PRKX: variants seen among roughly 807,000 people sequenced by gnomAD.
PRKX encodes the protein cAMP-dependent protein kinase catalytic subunit PRKX.
In PRKX, 12 loss-of-function variants were observed where a neutral mutation model predicts 22.0. The observed-to-expected ratio is 0.54, with a 90% CI of 0.35 to 0.88. The LOEUF (loss-of-function observed/expected upper bound fraction) is 0.88. Among genes scored for constraint, PRKX ranks in the 40% least tolerant of loss-of-function variants. The probability of loss-of-function intolerance (pLI) is 0.01; values close to 1 mark genes in which losing one functional copy is unlikely to be tolerated. For synonymous variants in PRKX, 134 were observed against 137.7 expected, an observed-to-expected ratio of 0.97 and a Z score of 0.19; for missense variants, 217 against 308.0, an observed-to-expected ratio of 0.70 and a Z score of 2.21.
intron 1 of PRKX, among the ~76,000 whole-genome samples, chrX:3,710,038 G>A (rs1928757985): frequency 9.2e-6 from 1 of 108,656 alleles, no homozygotes; most frequent in Admixed American, 9.9e-5. Context: ...TCCTCCCACC[G>A]CGACCTCCCA....
intron 1 of PRKX, among the ~76,000 whole-genome samples, chrX:3,679,635 G>A (rs1319924973): frequency 8.9e-6 from 1 of 111,795 alleles, no homozygotes; most frequent in East Asian, 2.8e-4. Context: ...TTCTTGTCTT[G>A]ATAACAACAT....
In PRKX at chrX:3,640,322, G is replaced by A. The variant is rs144759125; in HGVS notation, c.719+1530C>T. 1.6e-4 allele frequency among the ~76,000 whole-genome samples: 18 copies of A among 111,138 alleles called. No individual in the cohort carries two copies. The East Asian group carries it at 2.3e-3, about 14-fold the overall frequency. ...TTCATCCCAGAGAGAAGAGCCTTTC[G>A]TGCAGAGCCACATGGTGCAACAGTT... On this transcript the variant is annotated intron_variant, in intron 4 of 8. Coordinates refer to ENST00000262848, the MANE Select transcript of PRKX (RefSeq NM_005044.5).
chrX:3,683,462 G>A (rs1238080155), intron 1 of PRKX, among the ~76,000 whole-genome samples: 1 of 110,549 alleles, frequency 9.0e-6, no homozygotes, highest in African/African-American at 3.3e-5. Context: ...GATCACTAAG[G>A]AATGTCCACA....
At chrX:3,699,036 T>G (rs1394386611) in intron 1 of PRKX, among the ~76,000 whole-genome samples, 2 of 104,507 alleles carry the variant, frequency 1.9e-5, no homozygotes, top group South Asian at 4.3e-4. Flanking sequence ...CAGCTAATTT[T>G]TATTTTATTT....
chrX:3,614,654 G>A (rs1318173592), intron 7 of PRKX, among the ~76,000 whole-genome samples: 1 of 111,251 alleles, frequency 9.0e-6, no homozygotes, highest in Non-Finnish European at 1.9e-5. Context: ...AAGGGGAGAT[G>A]AAGAAATATT....
chrX:3,713,558 G>C lies in PRKX; in HGVS notation c.-305C>G. ...CCGCGGCCCGGGCTGGGGGGGGCGA[G>C]GCGGGGGCCCTGCGCATTCCGGGTC... On this transcript the variant is annotated 5_prime_UTR_variant, in exon 1 of 9. Coordinates refer to ENST00000262848, the MANE Select transcript of PRKX (RefSeq NM_005044.5). 1 of 185,979 alleles carries C rather than the reference G, an allele frequency of 5.4e-6. No individual in the cohort carries two copies. The highest frequency in any genetic ancestry group is 9.7e-5 in the East Asian group (1 of 10,270). The allele number at this position is 185,979 out of a possible 1,213,427, so 15.3% of individuals were successfully genotyped here. A position where few individuals can be genotyped will look rare whatever the true frequency, so the allele number is the denominator to read the frequency against.
intron 5 of PRKX, among the ~76,000 whole-genome samples, chrX:3,625,717 G>T (rs1459037833): frequency 9.1e-6 from 1 of 109,772 alleles, no homozygotes; most frequent in Non-Finnish European, 1.9e-5. Flanking sequence ...GACTACAGGC[G>T]CCCACCACCA....
chrX:3,696,045 G>A (rs55831266), intron 1 of PRKX, among the ~76,000 whole-genome samples: 46,573 of 109,958 alleles, frequency 0.42, 7,798 homozygotes, highest in African/African-American at 0.59. Flanking sequence ...CATCCCCAAG[G>A]TGATGATGTT....
chrX:3,656,365 C>T (rs1927480667), intron 2 of PRKX, among the ~76,000 whole-genome samples: 3 of 110,949 alleles, frequency 2.7e-5, no homozygotes, highest in South Asian at 3.8e-4. Flanking sequence ...TTAATATACA[C>T]GTAAAGACAG....
At chrX:3,666,492 C>T (rs1233868423) in intron 2 of PRKX, among the ~76,000 whole-genome samples, 2 of 111,193 alleles carry the variant, frequency 1.8e-5, no homozygotes, top group Non-Finnish European at 3.8e-5. Context: ...AAAATGAGGC[C>T]GGGCATGGAC....
intron 3 of PRKX, among the ~76,000 whole-genome samples, chrX:3,650,248 A>G (rs749537133): frequency 9.5e-4 from 106 of 111,803 alleles, no homozygotes; most frequent in South Asian, 1.9e-3. Flanking sequence ...ATGGCGGGGC[A>G]CGGTGGCTCA....
intron 1 of PRKX, among the ~76,000 whole-genome samples, chrX:3,685,738 T>C (rs769086325): frequency 9.8e-6 from 1 of 102,295 alleles, no homozygotes; most frequent in African/African-American, 3.6e-5. Flanking sequence ...AAGAGGAATT[T>C]AAAAAAAAAA....
Position 3,621,216 on chromosome X carries a change from G to A in PRKX, c.873+43C>T, listed in dbSNP as rs745655534. On this transcript the variant is annotated intron_variant, in intron 6 of 8. Coordinates refer to ENST00000262848, the MANE Select transcript of PRKX (RefSeq NM_005044.5). ...AATGTGGGTGTTAGACGGCAGACAC[G>A]CACATCGGGTACCACTGAATACCCA... is the stretch of plus-strand genomic sequence containing the variant. The A allele has an allele frequency of 6.8e-5, 76 of 1,123,570 alleles. 1 individual carries two copies. The South Asian group carries it at 1.2e-3, about 18-fold the overall frequency. 92.6% of individuals were successfully genotyped at this position (1,123,570 alleles called of 1,213,427 possible). A position where few individuals can be genotyped will look rare whatever the true frequency, so the allele number is the denominator to read the frequency against.
chrX:3,658,893 A>G (rs1185262919), intron 2 of PRKX, among the ~76,000 whole-genome samples: 4 of 111,533 alleles, frequency 3.6e-5, no homozygotes, highest in African/African-American at 9.8e-5. Context: ...CTGCTAGCAC[A>G]GGCCATTCCA....
At chrX:3,693,136 C>T (rs780482143) in intron 1 of PRKX, among the ~76,000 whole-genome samples, 1 of 110,060 alleles carries the variant, frequency 9.1e-6, no homozygotes, top group Non-Finnish European at 1.9e-5. Context: ...TCCAGTCGGG[C>T]TGGAAGGAGG....
At chrX:3,624,816 T>C (rs1158631249) in intron 5 of PRKX, among the ~76,000 whole-genome samples, 9 of 109,981 alleles carry the variant, frequency 8.2e-5, no homozygotes, top group Non-Finnish European at 1.3e-4. Flanking sequence ...CATGGGGTCT[T>C]GCTACATTGT....
At chrX:3,659,729 G>GTTTT (rs200394116) in intron 2 of PRKX, among the ~76,000 whole-genome samples, 4 of 32,652 alleles carry the variant, frequency 1.2e-4, no homozygotes, top group Admixed American at 1.9e-4. Flanking sequence ...TTTTTTTTTT[G>GTTTT]TTTTTTTTTT....
rs544758668 is a variant in PRKX at position 3,614,502 on chromosome X, A to T, written c.951+1313T>A. ...GACGCTGTCTCAAAAAATAAATAAT[A>T]AATAATAAACTAAGCCAGACGCAGA... On this transcript the variant is annotated intron_variant, in intron 7 of 8. Transcript: ENST00000262848. Among the ~76,000 whole-genome samples the T allele has an allele frequency of 2.7e-5, 3 of 111,625 alleles. No individual in the cohort carries two copies. The South Asian group carries it at 1.1e-3, about 42-fold the overall frequency.
Position 3,648,606 on chromosome X carries a change from CTGTGTGTGTGTGTGTGTGTGTG to C in PRKX, c.599+6521_599+6542del, listed in dbSNP as rs58698248. Among the ~76,000 whole-genome samples, 33 of 72,209 alleles carry C rather than the reference CTGTGTGTGTGTGTGTGTGTGTG, an allele frequency of 4.6e-4. No homozygotes were observed. The South Asian group carries it at 0.011, about 23-fold the overall frequency. 62.7% of individuals were successfully genotyped at this position (72,209 alleles called of 115,157 possible). Reference sequence around the variant, plus strand: ...TCAATGTGAATTACTCTCTCTACTCCTGTGTGTGTGTGTGTGTGTGTGTGTGTGTGTGTGTGTGTGTGTGTGT... The same window carrying C: ...TCAATGTGAATTACTCTCTCTACTCCTGTGTGTGTGTGTGTGTGTGTGTGT... On this transcript the variant is annotated intron_variant, in intron 3 of 8. Transcript: ENST00000262848.
Sources: allele counts gnomAD v4.1 joint callset (sites outside exome capture counted in the v4.1 genomes callset), GRCh38; gene constraint gnomAD v4.1.1; transcripts MANE v1.5; gene names NCBI Gene and HGNC (gene_info 2026-07-23, HGNC 2026-07-21).